The following EYS variants were observed in gnomAD, a reference collection of about 807,000 sequenced individuals.
The protein encoded by EYS is EGF-like photoreceptor maintenance factor, also known as protein eyes shut homolog.
Under a neutral mutation model 282.1 loss-of-function variants are expected in EYS, and 250 were observed. The observed-to-expected ratio is 0.89, with a 90% CI of 0.80 to 0.98. The LOEUF (loss-of-function observed/expected upper bound fraction) is 0.98. Ranked by LOEUF, EYS falls within the 50% of genes least tolerant of loss-of-function variation. EYS has a pLI of 0.00. For synonymous variants in EYS, 1,355 were observed against 1,282.9 expected (o/e 1.06, Z -1.20); for missense variants, 4,016 against 3,709.0 (o/e 1.08, Z -2.15).
At chr6:64,682,394 AAC>A in intron 22 of EYS, among the ~76,000 whole-genome samples, 1 of 151,970 alleles carries the variant, frequency 6.6e-6, no homozygotes, top group Admixed American at 6.6e-5. Flanking sequence ...CAACAACAAC[AAC>A]AAAAAGTGAT....
At chr6:65,566,155 G>T (rs540506172) in intron 2 of EYS, among the ~76,000 whole-genome samples, 1 of 152,026 alleles carries the variant, frequency 6.6e-6, no homozygotes, top group Non-Finnish European at 1.5e-5. Flanking sequence ...CAAAATGTTG[G>T]AATTTGACTT....
intron 12 of EYS, among the ~76,000 whole-genome samples, chr6:65,086,028 T>C (rs1209336402): frequency 1.2e-5 from 1 of 84,668 alleles, no homozygotes; most frequent in African/African-American, 3.7e-5. Context: ...CCTTCTCCTC[T>C]TTTTTTTTTT....
chr6:64,886,900 A>T, intron 18 of EYS, 58 bp from the exon 19 acceptor site: 2 of 951,366 alleles, frequency 2.1e-6, no homozygotes, highest in Non-Finnish European at 3.0e-6. Flanking sequence ...CATTTATTAT[A>T]TATGATTCAT....
intron 5 of EYS, among the ~76,000 whole-genome samples, chr6:65,484,096 C>T (rs1404062184): frequency 6.6e-6 from 1 of 151,746 alleles, no homozygotes; most frequent in Non-Finnish European, 1.5e-5. Context: ...TGTGATGCTT[C>T]CTGTACACAT....
chr6:64,847,735 C>CT (rs1285950375), intron 19 of EYS, among the ~76,000 whole-genome samples: 1 of 151,946 alleles, frequency 6.6e-6, no homozygotes, highest in African/African-American at 2.4e-5. Context: ...AAAAACCATA[C>CT]TTTTTTTGCC....
At chr6:64,691,818 A>G (rs568930720) in intron 22 of EYS, among the ~76,000 whole-genome samples, 2 of 152,300 alleles carry the variant, frequency 1.3e-5, no homozygotes, top group African/African-American at 4.8e-5. Flanking sequence ...ATCTTGCTGC[A>G]AAGGACATGA....
chr6:65,400,680 G>A (rs1322168147), intron 7 of EYS, among the ~76,000 whole-genome samples: 1 of 151,796 alleles, frequency 6.6e-6, no homozygotes, highest in Non-Finnish European at 1.5e-5. Flanking sequence ...GTCTTTCTCA[G>A]GGAGGTAATT....
chr6:64,686,562 A>G (rs1770110813), intron 22 of EYS, among the ~76,000 whole-genome samples: 1 of 150,050 alleles, frequency 6.7e-6, no homozygotes. Flanking sequence ...TAATGCGGTA[A>G]AACCCCGTCT....
At chr6:65,262,488 A>C (rs1450618533) in intron 12 of EYS, among the ~76,000 whole-genome samples, 1 of 152,080 alleles carries the variant, frequency 6.6e-6, no homozygotes, top group Non-Finnish European at 1.5e-5. Context: ...CGAGAGCTAG[A>C]ATGCATGAGA....
Position 65,338,069 on chromosome 6 carries a change from A to G in EYS, c.1600-2923T>C, listed in dbSNP as rs144204840. On this transcript the variant is annotated intron_variant, in intron 10 of 42. Coordinates refer to ENST00000503581, the MANE Select transcript of EYS (RefSeq NM_001142800.2). ...TAACATTTTGTCTAAGGGATGTGAT[A>G]TGAACACCTAAATTATATCTAATGC... Among the ~76,000 whole-genome samples the G allele has an allele frequency of 9.3e-3, 1,411 of 151,388 alleles. 27 individuals carry two copies. The highest frequency in any genetic ancestry group is 0.032 in the African/African-American group (1,321 of 41,484).
intron 19 of EYS, among the ~76,000 whole-genome samples, chr6:64,852,653 A>G (rs745489266): frequency 2.0e-5 from 3 of 152,192 alleles, no homozygotes; most frequent in African/African-American, 4.8e-5. Context: ...AAGATCACTC[A>G]TAAGTCCATT....
chr6:64,234,997 C>T (rs1766542572), intron 30 of EYS, among the ~76,000 whole-genome samples: 1 of 152,010 alleles, frequency 6.6e-6, no homozygotes, highest in Non-Finnish European at 1.5e-5. Flanking sequence ...CCTGCCACAG[C>T]CTCCCGAGTA....
At chr6:64,184,326 A>C (rs185621592) in intron 31 of EYS, among the ~76,000 whole-genome samples, 1 of 152,300 alleles carries the variant, frequency 6.6e-6, no homozygotes, top group South Asian at 2.1e-4. Flanking sequence ...TTTGATCAAA[A>C]AAGCTACCTA....
intron 31 of EYS, among the ~76,000 whole-genome samples, chr6:64,115,605 T>C (rs1255878917): frequency 6.6e-6 from 1 of 152,164 alleles, no homozygotes. Context: ...TGGAACTGCA[T>C]AGAGTCTTTA....
chr6:65,625,959 T>C (rs1005730015), intron 2 of EYS, among the ~76,000 whole-genome samples: 1 of 152,186 alleles, frequency 6.6e-6, no homozygotes, highest in Non-Finnish European at 1.5e-5. Flanking sequence ...TTACTGAACT[T>C]TCCTGTGGAT....
chr6:65,007,859 T>C (rs1189782149), intron 13 of EYS, among the ~76,000 whole-genome samples: 1 of 152,190 alleles, frequency 6.6e-6, no homozygotes, highest in Non-Finnish European at 1.5e-5. Context: ...GATGGCTATA[T>C]TGATGTTTTA....
chr6:65,690,708 C>T lies in EYS; in HGVS notation c.-448+16427G>A, dbSNP rs1769211143. Reference sequence around the variant, plus strand: ...AACCCATCATCCACATTAGGTATTTCTCCTAATGCTATCCCTCCTCTAGCC... The same window carrying T: ...AACCCATCATCCACATTAGGTATTTTTCCTAATGCTATCCCTCCTCTAGCC... On this transcript the variant is annotated intron_variant, in intron 1 of 42. Coordinates refer to ENST00000503581, the MANE Select transcript of EYS (RefSeq NM_001142800.2). Among the ~76,000 whole-genome samples the T allele has an allele frequency of 1.3e-5, 2 of 150,240 alleles. 1 individual carries two copies. Among genetic ancestry groups the T allele is most frequent in the East Asian group, 4.6e-4 (2 of 4,366 alleles).
intron 1 of EYS, among the ~76,000 whole-genome samples, chr6:65,706,316 G>C (rs1769876719): frequency 6.6e-6 from 1 of 151,570 alleles, no homozygotes; most frequent in Non-Finnish European, 1.5e-5. Context: ...TGTATACTAA[G>C]TAATTACAAA....
intron 26 of EYS, among the ~76,000 whole-genome samples, chr6:64,567,946 A>G (rs1765611749): frequency 6.6e-6 from 1 of 152,214 alleles, no homozygotes; most frequent in African/African-American, 2.4e-5. Flanking sequence ...TTACCCCATC[A>G]TACTGTCTGG....
Sources: gnomAD v4.1 joint callset for allele counts (sites outside exome capture counted in the v4.1 genomes callset) on GRCh38, gnomAD v4.1.1 for gene constraint, MANE v1.5 for transcripts, NCBI Gene and HGNC (gene_info 2026-07-23, HGNC 2026-07-21) for gene names.